Variants in RAPGEF4 observed in about 807,000 individuals in gnomAD.
The protein encoded by RAPGEF4 is RAP guanine-nucleotide-exchange factor (GEF) 4.
In RAPGEF4, 66 loss-of-function variants were observed where a neutral mutation model predicts 147.9. The ratio of observed to expected loss-of-function variants is 0.45; its 90% confidence interval spans 0.37 to 0.55. The LOEUF (loss-of-function observed/expected upper bound fraction) is 0.55. RAPGEF4 is among the 20% of genes least tolerant of loss of function. RAPGEF4 has a pLI of 0.00. For missense variants in RAPGEF4, 1,071 were observed against 1,257.3 expected, an observed-to-expected ratio of 0.85 and a Z score of 2.24; for synonymous variants, 419 against 442.7, an observed-to-expected ratio of 0.95 and a Z score of 0.67.
At chr2:172,757,268 A>G (rs764033360) in intron 1 of RAPGEF4, among the ~76,000 whole-genome samples, 9 of 152,240 alleles carry the variant, frequency 5.9e-5, no homozygotes, top group Non-Finnish European at 1.3e-4. Context: ...CTCTGGTAGA[A>G]TATTTAATGT....
At chr2:172,887,349 C>G (rs185128156) in intron 4 of RAPGEF4, among the ~76,000 whole-genome samples, 9 of 152,290 alleles carry the variant, frequency 5.9e-5, no homozygotes, top group East Asian at 1.9e-4. Context: ...TATCACCTCA[C>G]TCATTTACTT....
intron 29 of RAPGEF4, chr2:173,048,213 A>T: frequency 1.1e-5 from 2 of 177,772 alleles, no homozygotes; most frequent in Non-Finnish European, 2.3e-5. Flanking sequence ...TACTGTGAGG[A>T]ACTTGATAAG....
rs1689921616 is a variant in RAPGEF4, at chr2:172,967,091, G to A, written c.821-170G>A. On this transcript the variant is annotated intron_variant, in intron 9 of 30. Coordinates refer to ENST00000397081, the MANE Select transcript of RAPGEF4 (RefSeq NM_007023.4). ...TGGTGTGCATGACTGCAGCCCCGAG[G>A]TCATGTCTTCCAGCTGCACAGTCTG... The A allele has an allele frequency of 4.7e-6, 3 of 633,832 alleles. No homozygotes were observed. The Admixed American group carries it at 8.9e-5, about 19-fold the overall frequency. The allele number at this position is 633,832 out of a possible 1,614,324, so 39.3% of individuals were successfully genotyped here.
intron 26 of RAPGEF4, 59 bp downstream of exon 26, chr2:173,030,313 A>C: frequency 4.5e-6 from 6 of 1,319,846 alleles, no homozygotes; most frequent in South Asian, 1.2e-5. Flanking sequence ...ACACAGGCTC[A>C]CCAGTGAGCT....
chr2:172,986,649 A>G (rs1692277831), intron 12 of RAPGEF4, among the ~76,000 whole-genome samples: 1 of 151,882 alleles, frequency 6.6e-6, no homozygotes, highest in East Asian at 1.9e-4. Context: ...TATTACAATT[A>G]CCTTCTTAAT....
At chr2:172,885,963 T>A (rs1697162825) in intron 4 of RAPGEF4, among the ~76,000 whole-genome samples, 1 of 152,208 alleles carries the variant, frequency 6.6e-6, no homozygotes, top group South Asian at 2.1e-4. Context: ...CACTTCAGTA[T>A]GTCTGAGACC....
intron 8 of RAPGEF4, among the ~76,000 whole-genome samples, chr2:172,964,320 T>A (rs1446359000): frequency 1.3e-5 from 2 of 151,706 alleles, no homozygotes; most frequent in African/African-American, 4.8e-5. Flanking sequence ...AATCCCACAA[T>A]TCCTCTGATA....
rs189529915 is a variant in RAPGEF4 at position 172,887,758 on chromosome 2, C to T, written c.445-30044C>T. On this transcript the variant is annotated intron_variant, in intron 4 of 30. Coordinates refer to ENST00000397081, the MANE Select transcript of RAPGEF4 (RefSeq NM_007023.4). ...AGTTCCTCTGCTTGCCGAACCTTTT[C>T]GTGCATCTGAGCCTTCGCACATACT... Among the ~76,000 whole-genome samples, 5 of 152,164 alleles carry T rather than the reference C, an allele frequency of 3.3e-5. No homozygotes were observed. The East Asian group carries it at 7.7e-4, about 24-fold the overall frequency.
intron 4 of RAPGEF4, among the ~76,000 whole-genome samples, chr2:172,891,218 T>C (rs189016254): frequency 6.6e-6 from 1 of 152,210 alleles, no homozygotes; most frequent in African/African-American, 2.4e-5. Flanking sequence ...TCTGTGTGAC[T>C]GCACAGATCT....
At chr2:172,961,361 G>T in intron 8 of RAPGEF4, 133 bp downstream of exon 8, 1 of 664,354 alleles carries the variant, frequency 1.5e-6, no homozygotes. Context: ...GGAAGGTTAG[G>T]CTTGTCTTAC....
intron 17 of RAPGEF4, among the ~76,000 whole-genome samples, chr2:173,002,126 T>C (rs1401176297): frequency 6.6e-6 from 1 of 152,000 alleles, no homozygotes; most frequent in Non-Finnish European, 1.5e-5. Flanking sequence ...GGGTGGACTG[T>C]GGTCGGCTTG....
At chr2:172,942,568 T>TAAA (rs60948094) in intron 6 of RAPGEF4, among the ~76,000 whole-genome samples, 103 of 107,834 alleles carry the variant, frequency 9.6e-4, no homozygotes, top group African/African-American at 2.9e-3. Flanking sequence ...TAGAGTCTGG[T>TAAA]AAAAAAAAAA....
intron 4 of RAPGEF4, among the ~76,000 whole-genome samples, chr2:172,868,843 G>A (rs1257610306): frequency 2.0e-5 from 3 of 152,164 alleles, no homozygotes; most frequent in Admixed American, 6.5e-5. Context: ...GCATGATGCT[G>A]GCATCTGCTC....
At chr2:172,826,827 C>T (rs1559061930) in intron 4 of RAPGEF4, among the ~76,000 whole-genome samples, 1 of 151,952 alleles carries the variant, frequency 6.6e-6, no homozygotes, top group South Asian at 2.1e-4. Context: ...AAAAAATGAG[C>T]CCAGTGTGGT....
chr2:172,942,006 A>C (rs577225912), intron 6 of RAPGEF4, among the ~76,000 whole-genome samples: 22 of 152,044 alleles, frequency 1.4e-4, no homozygotes, highest in Non-Finnish European at 2.4e-4. Flanking sequence ...GGTGCTTTGC[A>C]GTTTTCAGAG....
chr2:172,934,894 AG>A (rs1686388865), intron 6 of RAPGEF4, among the ~76,000 whole-genome samples: 1 of 152,080 alleles, frequency 6.6e-6, no homozygotes, highest in Non-Finnish European at 1.5e-5. Context: ...AGCAAACAAG[AG>A]GCCGGGGGTG....
At chr2:172,917,970 G>A in intron 5 of RAPGEF4, 96 bp downstream of exon 5, 1 of 1,039,214 alleles carries the variant, frequency 9.6e-7, no homozygotes, top group South Asian at 1.3e-5. Context: ...GCTTGTCAGA[G>A]TAAGTCTCCA....
chr2:172,833,079 C>T (rs1690535218), intron 4 of RAPGEF4, among the ~76,000 whole-genome samples: 2 of 149,240 alleles, frequency 1.3e-5, no homozygotes, highest in South Asian at 4.2e-4. Flanking sequence ...TAACACACGC[C>T]TGTAATCCCA....
intron 1 of RAPGEF4, among the ~76,000 whole-genome samples, chr2:172,741,324 C>T (rs1303735518): frequency 1.3e-5 from 2 of 152,234 alleles, no homozygotes; most frequent in African/African-American, 4.8e-5. Flanking sequence ...TCTTCAGCTT[C>T]AGTGCAGTGC....
Sources: gnomAD v4.1 joint callset for allele counts (sites outside exome capture counted in the v4.1 genomes callset) on GRCh38, gnomAD v4.1.1 for gene constraint, MANE v1.5 for transcripts, NCBI Gene and HGNC (gene_info 2026-07-23, HGNC 2026-07-21) for gene names.